CDH12: variants seen among roughly 807,000 people sequenced by gnomAD.
The protein encoded by CDH12 is cadherin-12.
Under a neutral mutation model 74.1 loss-of-function variants are expected in CDH12, and 41 were observed. The ratio of observed to expected loss-of-function variants is 0.55; its 90% confidence interval spans 0.43 to 0.72. The LOEUF is 0.72. Ranked by LOEUF, CDH12 falls within the 30% of genes least tolerant of loss-of-function variation. The pLI, the probability that CDH12 is intolerant of heterozygous loss-of-function variation, is 0.00. For missense variants in CDH12, 945 were observed against 977.2 expected (o/e 0.97, Z 0.44); for synonymous variants, 399 against 355.0 (o/e 1.12, Z -1.39).
At chr5:21,819,643 C>T (rs1045824633) in intron 8 of CDH12, among the ~76,000 whole-genome samples, 2 of 151,874 alleles carry the variant, frequency 1.3e-5, no homozygotes, top group African/African-American at 4.8e-5. Flanking sequence ...GAATAGTGTA[C>T]TAGAAATCCT....
chr5:22,054,267 C>G (rs1427825348), intron 5 of CDH12, among the ~76,000 whole-genome samples: 1 of 152,086 alleles, frequency 6.6e-6, no homozygotes, highest in African/African-American at 2.4e-5. Flanking sequence ...TACTCATATT[C>G]TATAAAAGTT....
At chr5:22,385,567 T>C (rs769956752) in intron 3 of CDH12, among the ~76,000 whole-genome samples, 1 of 152,190 alleles carries the variant, frequency 6.6e-6, no homozygotes, top group Non-Finnish European at 1.5e-5. Flanking sequence ...GTCATTCCTT[T>C]GAAATGTAAT....
chr5:22,806,084 G>A (rs184911093), intron 1 of CDH12, among the ~76,000 whole-genome samples: 46 of 152,226 alleles, frequency 3.0e-4, no homozygotes, highest in Admixed American at 7.8e-4. Flanking sequence ...TTGGTTCCAA[G>A]TCTTTGCTAT....
intron 1 of CDH12, among the ~76,000 whole-genome samples, chr5:22,710,109 C>A (rs1038772835): frequency 2.0e-5 from 3 of 152,154 alleles, no homozygotes; most frequent in Non-Finnish European, 2.9e-5. Flanking sequence ...AAAGCAAAAT[C>A]ACCCTCTATT....
chr5:22,030,499 T>C (rs1487811955), intron 5 of CDH12, among the ~76,000 whole-genome samples: 1 of 152,194 alleles, frequency 6.6e-6, no homozygotes, highest in Admixed American at 6.5e-5. Flanking sequence ...ACGGTGGGCT[T>C]ACAATACCTA....
intron 2 of CDH12, among the ~76,000 whole-genome samples, chr5:22,447,813 G>A (rs1250022885): frequency 1.3e-5 from 2 of 151,768 alleles, no homozygotes; most frequent in Non-Finnish European, 2.9e-5. Context: ...GTTTAGTGCA[G>A]TTTACAATGT....
intron 2 of CDH12, among the ~76,000 whole-genome samples, chr5:22,408,454 T>G (rs964890942): frequency 1.3e-5 from 2 of 151,018 alleles, no homozygotes; most frequent in Non-Finnish European, 2.9e-5. Context: ...TTTAAGACAT[T>G]CTTCAAAATA....
rs150631265 is a variant in CDH12, at chr5:21,883,093, T to C, written c.527-28303A>G. On this transcript the variant is annotated intron_variant, in intron 6 of 14. Transcript: ENST00000382254. ...AAACCTGTGACCACCCCTGAAGAAA[T>C]TGCACAGGTTGCTATGATTTCTGCA... The C allele has an allele frequency of 2.2e-4, 356 of 1,602,460 alleles. 1 individual carries two copies. Among genetic ancestry groups the C allele is most frequent in the Middle Eastern group, 2.1e-3 (10 of 4,782 alleles).
chr5:22,035,523 CAAT>C (rs1336179354), intron 5 of CDH12, among the ~76,000 whole-genome samples: 1 of 151,602 alleles, frequency 6.6e-6, no homozygotes, highest in African/African-American at 2.4e-5. Flanking sequence ...TTATTTAATA[CAAT>C]AAAATAGCAA....
chr5:22,733,647 C>G (rs966665099), intron 1 of CDH12, among the ~76,000 whole-genome samples: 2 of 151,650 alleles, frequency 1.3e-5, no homozygotes, highest in African/African-American at 4.8e-5. Context: ...CTCATAAGCC[C>G]AAGTCCGTGA....
chr5:22,524,612 G>A (rs950560910), intron 1 of CDH12, among the ~76,000 whole-genome samples: 6 of 151,880 alleles, frequency 4.0e-5, no homozygotes, highest in Admixed American at 6.6e-5. Context: ...GGGGGTGTTC[G>A]GTCACATAGG....
intron 1 of CDH12, among the ~76,000 whole-genome samples, chr5:22,657,134 T>A (rs1013999205): frequency 2.0e-5 from 3 of 152,158 alleles, no homozygotes; most frequent in South Asian, 2.1e-4. Flanking sequence ...GATTAAACTA[T>A]TAAGTGAAAT....
chr5:22,698,701 A>AG (rs1561585702), intron 1 of CDH12, among the ~76,000 whole-genome samples: 7 of 12,960 alleles, frequency 5.4e-4, no homozygotes, highest in South Asian at 4.9e-3. Context: ...ATATATATAT[A>AG]TATATATATA....
intron 4 of CDH12, among the ~76,000 whole-genome samples, chr5:22,081,064 C>A (rs1423628172): frequency 6.6e-6 from 1 of 152,138 alleles, no homozygotes; most frequent in African/African-American, 2.4e-5. Context: ...CAGGCGTGAG[C>A]CACCTCGCTT....
Position 22,096,467 on chromosome 5 carries a change from A to G in CDH12, c.-186-17605T>C, listed in dbSNP as rs192079117. ...AGTCTTTCTAATCTTCCTTTTCTAC[A>G]GACACATCTCACCTCTCTCCTCCTA... On this transcript the variant is annotated intron_variant, in intron 4 of 14. Coordinates refer to ENST00000382254, the MANE Select transcript of CDH12 (RefSeq NM_004061.5). Among the ~76,000 whole-genome samples the G allele has an allele frequency of 2.4e-3, 370 of 152,024 alleles. 4 individuals carry two copies. Among genetic ancestry groups the G allele is most frequent in the African/African-American group, 8.4e-3 (347 of 41,468 alleles).
intron 13 of CDH12, among the ~76,000 whole-genome samples, chr5:21,756,451 A>AGT (rs1231982343): frequency 1.3e-5 from 2 of 152,184 alleles, no homozygotes; most frequent in Non-Finnish European, 2.9e-5. Context: ...AACAATGACT[A>AGT]CTTTAATATG....
intron 4 of CDH12, among the ~76,000 whole-genome samples, chr5:22,101,931 C>T (rs1744160796): frequency 6.6e-6 from 1 of 152,230 alleles, no homozygotes; most frequent in African/African-American, 2.4e-5. Context: ...CACAAGAAGT[C>T]ATAACCAATA....
intron 1 of CDH12, among the ~76,000 whole-genome samples, chr5:22,775,242 A>G (rs1461180261): frequency 6.6e-6 from 1 of 151,966 alleles, no homozygotes; most frequent in East Asian, 1.9e-4. Flanking sequence ...TATAACCTTA[A>G]CATTTATCAT....
chr5:22,813,026 C>T (rs1300272489), intron 1 of CDH12, among the ~76,000 whole-genome samples: 1 of 151,962 alleles, frequency 6.6e-6, no homozygotes, highest in Non-Finnish European at 1.5e-5. Context: ...TTAGGAATAG[C>T]AAATAAGACA....
Sources: gnomAD v4.1 joint callset for allele counts (sites outside exome capture counted in the v4.1 genomes callset) on GRCh38, gnomAD v4.1.1 for gene constraint, MANE v1.5 for transcripts, NCBI Gene and HGNC (gene_info 2026-07-23, HGNC 2026-07-21) for gene names.